AIG1: variants seen among roughly 807,000 people sequenced by gnomAD.
AIG1 encodes androgen induced 1.
A neutral mutation model predicts 31.4 loss-of-function variants in AIG1; 23 were observed. The ratio of observed to expected loss-of-function variants is 0.73; its 90% CI spans 0.53 to 1.04. The LOEUF is 1.04. Among genes scored for constraint, AIG1 ranks in the 50% least tolerant of loss-of-function variants. AIG1 has a pLI of 0.00. For missense variants in AIG1, 274 were observed against 295.0 expected (o/e 0.93, Z 0.52); for synonymous variants, 100 against 110.5 (o/e 0.90, Z 0.60).
At chr6:143,254,651 A>G (rs1408531354) in intron 3 of AIG1, among the ~76,000 whole-genome samples, 1 of 152,084 alleles carries the variant, frequency 6.6e-6, no homozygotes, top group Non-Finnish European at 1.5e-5. Context: ...GCTCTAATGA[A>G]GTGTTTATTA....
intron 1 of AIG1, among the ~76,000 whole-genome samples, chr6:143,076,922 C>T (rs1777787511): frequency 6.6e-6 from 1 of 152,174 alleles, no homozygotes; most frequent in South Asian, 2.1e-4. Context: ...CCACCTGCCT[C>T]AGCCTCCCAA....
intron 3 of AIG1, among the ~76,000 whole-genome samples, chr6:143,184,836 C>T (rs1391556744): frequency 6.6e-6 from 1 of 152,124 alleles, no homozygotes; most frequent in South Asian, 2.1e-4. Flanking sequence ...CTTCTTTATC[C>T]GGGTCTTGTG....
chr6:143,092,750 A>G (rs1779415305), intron 1 of AIG1, among the ~76,000 whole-genome samples: 1 of 152,124 alleles, frequency 6.6e-6, no homozygotes, highest in Non-Finnish European at 1.5e-5. Flanking sequence ...AAGCCTGTCC[A>G]TCAAAGCTTT....
At position 143,284,316 on chromosome 6, in the gene AIG1, C is replaced by A; in HGVS notation, c.515+91C>A. On this transcript the variant is annotated intron_variant, in intron 4 of 5. Coordinates refer to ENST00000357847, the MANE Select transcript of AIG1 (RefSeq NM_016108.4). The surrounding 1 kb of genome is among the most constrained non-coding windows in gnomAD (Gnocchi z 4.4). ...ATTTCATTATGGATATAATCACTAA[C>A]AGATTCACGCTGTGTGCCGCATTTG... is the stretch of plus-strand genomic sequence containing the variant. 1.1e-6 allele frequency: 1 copy of A among 901,956 alleles called. No homozygotes were observed. Among genetic ancestry groups the A allele is most frequent in the South Asian group, 1.5e-5 (1 of 64,584 alleles). 55.9% of individuals were successfully genotyped at this position (901,956 alleles called of 1,614,324 possible). A position where few individuals can be genotyped will look rare whatever the true frequency, so the allele number is the denominator to read the frequency against.
chr6:143,295,652 C>A (rs1178173048), intron 4 of AIG1, among the ~76,000 whole-genome samples: 2 of 152,220 alleles, frequency 1.3e-5, no homozygotes, highest in African/African-American at 2.4e-5. Flanking sequence ...CTCTTTCAGG[C>A]CTCAACTTAA....
At chr6:143,289,860 T>A (rs1285083895) in intron 4 of AIG1, among the ~76,000 whole-genome samples, 5 of 152,198 alleles carry the variant, frequency 3.3e-5, no homozygotes, top group Non-Finnish European at 7.3e-5. Context: ...CCCTCTTTAC[T>A]AAGAAAATGA....
intron 3 of AIG1, among the ~76,000 whole-genome samples, chr6:143,193,973 T>G (rs1461292075): frequency 6.6e-6 from 1 of 152,196 alleles, no homozygotes; most frequent in Non-Finnish European, 1.5e-5. Flanking sequence ...GATATATATT[T>G]CAGTATAGAT....
downstream of AIG1, chr6:143,342,685 A>C: frequency 8.2e-7 from 1 of 1,214,288 alleles, no homozygotes. Context: ...TAAGACCACA[A>C]AAAGAAGGAG....
At chr6:143,267,841 G>A (rs1796258431) in intron 3 of AIG1, among the ~76,000 whole-genome samples, 1 of 152,282 alleles carries the variant, frequency 6.6e-6, no homozygotes, top group Admixed American at 6.5e-5. Flanking sequence ...TGTGTACACT[G>A]GGGACTTTTC....
In AIG1 at chr6:143,330,697, C is replaced by G. The variant is rs1352692876; in HGVS notation, c.516-2585C>G. ...ATCCATCCGACTGCTCCAGTGCAAA[C>G]ACCCTGTAGCACAGACTGATTAAAA... On this transcript the variant is annotated intron_variant, in intron 4 of 5. Coordinates refer to ENST00000357847, the MANE Select transcript of AIG1 (RefSeq NM_016108.4). The surrounding 1 kb of genome is among the most constrained non-coding windows in gnomAD (Gnocchi z 4.4). Among the ~76,000 whole-genome samples, 1 of 152,194 alleles carries G rather than the reference C, an allele frequency of 6.6e-6. No individual in the cohort carries two copies. Among genetic ancestry groups the G allele is most frequent in the African/African-American group, 2.4e-5 (1 of 41,442 alleles).
intron 1 of AIG1, among the ~76,000 whole-genome samples, chr6:143,116,967 C>T (rs1781792246): frequency 6.6e-6 from 1 of 152,060 alleles, no homozygotes. Context: ...AGATGTTCCT[C>T]ATCGACAAGG....
In AIG1 at chr6:143,284,285, G is replaced by A. The variant is rs1797545258; in HGVS notation, c.515+60G>A. 2 of 1,246,140 alleles carry A rather than the reference G, an allele frequency of 1.6e-6. No individual in the cohort carries two copies. The highest frequency in any genetic ancestry group is 1.5e-5 in the African/African-American group (1 of 67,416). 77.2% of individuals were successfully genotyped at this position (1,246,140 alleles called of 1,614,324 possible). ...TTAGATTTTGCACTGCTAAATTTGG[G>A]CACATATTTCATTATGGATATAATC... On this transcript the variant is annotated intron_variant, in intron 4 of 5. Coordinates refer to ENST00000357847, the MANE Select transcript of AIG1 (RefSeq NM_016108.4). This position sits in a 1 kb window ranked among gnomAD's most constrained non-coding sequence, Gnocchi z 4.4.
At chr6:143,060,560 C>A, upstream of AIG1, 1 of 358,066 alleles carries the variant, frequency 2.8e-6, no homozygotes, top group Non-Finnish European at 6.2e-6. Flanking sequence ...GCCCTCGTAG[C>A]ACTCAGAGGT....
chr6:143,206,472 A>G (rs1791116409), intron 3 of AIG1, among the ~76,000 whole-genome samples: 1 of 152,230 alleles, frequency 6.6e-6, no homozygotes, highest in Admixed American at 6.5e-5. Flanking sequence ...GCTAACAGAA[A>G]GACAAATCCA....
intron 1 of AIG1, among the ~76,000 whole-genome samples, chr6:143,068,155 C>T (rs918736622): frequency 6.6e-6 from 1 of 152,200 alleles, no homozygotes; most frequent in East Asian, 1.9e-4. Flanking sequence ...TTTCCCATTC[C>T]TGCCATTCCC....
chr6:143,307,936 G>T (rs1369087719), intron 4 of AIG1, among the ~76,000 whole-genome samples: 1 of 152,252 alleles, frequency 6.6e-6, no homozygotes, highest in Non-Finnish European at 1.5e-5. Flanking sequence ...CAGCCTCGCT[G>T]CCGCCTTGCA....
intron 1 of AIG1, among the ~76,000 whole-genome samples, chr6:143,102,968 T>A (rs1295922579): frequency 6.6e-6 from 1 of 152,220 alleles, no homozygotes; most frequent in African/African-American, 2.4e-5. Flanking sequence ...CTAGTGTACA[T>A]ATATATCTTA....
intron 1 of AIG1, among the ~76,000 whole-genome samples, chr6:143,079,442 T>G (rs1029187205): frequency 6.6e-6 from 1 of 152,166 alleles, no homozygotes; most frequent in African/African-American, 2.4e-5. Flanking sequence ...ATTTTTGCTT[T>G]AGTTCCCAAT....
chr6:143,104,938 C>G (rs1176970180), intron 1 of AIG1, among the ~76,000 whole-genome samples: 1 of 151,640 alleles, frequency 6.6e-6, no homozygotes, highest in Non-Finnish European at 1.5e-5. Flanking sequence ...TGAATGTGTG[C>G]AAGAGATATA....
Sources: allele counts gnomAD v4.1 joint callset (sites outside exome capture counted in the v4.1 genomes callset), GRCh38; gene constraint gnomAD v4.1.1; non-coding constraint Gnocchi (gnomAD v3.1); transcripts MANE v1.5; gene names NCBI Gene and HGNC (gene_info 2026-07-23, HGNC 2026-07-21).